The following OIT3 variants were observed in gnomAD, a reference collection of about 807,000 sequenced individuals.
OIT3 encodes oncoprotein induced transcript 3.
A neutral mutation model predicts 52.2 loss-of-function variants in OIT3; 41 were observed. That is an observed-to-expected ratio of 0.79 (90% CI 0.61 to 1.02). OIT3 has a LOEUF of 1.02. Among genes scored for constraint, OIT3 ranks in the 50% least tolerant of loss-of-function variants. The pLI, the probability that OIT3 is intolerant of heterozygous loss-of-function variation, is 0.00. For synonymous variants in OIT3, 244 were observed against 276.9 expected (o/e 0.88, Z 1.18); for missense variants, 634 against 715.5 (o/e 0.89, Z 1.30).
At chr10:72,925,550 G>A (rs1846162914) in intron 7 of OIT3, among the ~76,000 whole-genome samples, 1 of 152,216 alleles carries the variant, frequency 6.6e-6, no homozygotes, top group Non-Finnish European at 1.5e-5. Flanking sequence ...GGACAGAGAA[G>A]AAATAGTTGG....
In OIT3 at chr10:72,898,616, G is replaced by A. The variant is rs373063507; in HGVS notation, c.62-48G>A. The A allele has an allele frequency of 4.4e-5, 68 of 1,534,598 alleles. No homozygotes were observed. The African/African-American group carries it at 8.5e-4, about 19-fold the overall frequency. ...AAGTTGGACTTGGGCTGTTGGTGGT[G>A]TGATCCGAAACACTCCAGGTACTCT... On this transcript the variant is annotated intron_variant, in intron 1 of 8. Transcript: ENST00000334011.
At chr10:72,912,393 C>T (rs568430188) in intron 5 of OIT3, among the ~76,000 whole-genome samples, 1 of 151,312 alleles carries the variant, frequency 6.6e-6, no homozygotes, top group Non-Finnish European at 1.5e-5. Context: ...GCCTCAGCCT[C>T]CTGAGTAGCT....
At position 72,900,642 on chromosome 10, in the gene OIT3, G is replaced by A. The variant is rs556371431; in HGVS notation, c.544+158G>A. Among the ~76,000 whole-genome samples the A allele has an allele frequency of 5.3e-5, 8 of 152,208 alleles. No individual in the cohort carries two copies. In the East Asian group the frequency reaches 5.8e-4, roughly 11 times the overall value. ...TTTATGCCTGGACCGAAAGCCCCAC[G>A]CCAAATTTGTATCATGATTAGGGAC... On this transcript the variant is annotated intron_variant, in intron 3 of 8. Transcript: ENST00000334011.
At chr10:72,900,218 A>G (rs1196338628) in intron 2 of OIT3, among the ~76,000 whole-genome samples, 159 bp from the exon 3 acceptor site, 1 of 152,082 alleles carries the variant, frequency 6.6e-6, no homozygotes, top group Non-Finnish European at 1.5e-5. Context: ...GCTACTTGGG[A>G]GGCCAAGGTG....
At chr10:72,926,049 C>G (rs926686717) in intron 7 of OIT3, among the ~76,000 whole-genome samples, 10 of 152,218 alleles carry the variant, frequency 6.6e-5, no homozygotes, top group African/African-American at 2.4e-4. Context: ...TACACTCAAA[C>G]CCAAATTCAT....
chr10:72,906,368 G>A (rs908582107), intron 3 of OIT3, among the ~76,000 whole-genome samples: 1 of 152,162 alleles, frequency 6.6e-6, no homozygotes. Flanking sequence ...CTGAAGAGAA[G>A]GTAATTGGCA....
intron 4 of OIT3, 47 bp from the exon 5 acceptor site, chr10:72,911,670 G>T: frequency 1.3e-6 from 2 of 1,590,164 alleles, no homozygotes; most frequent in Non-Finnish European, 1.7e-6. Flanking sequence ...AATTCTTGGG[G>T]TAGAGGGTTA....
At chr10:72,895,972 A>G (rs1208711333) in intron 1 of OIT3, among the ~76,000 whole-genome samples, 1 of 152,212 alleles carries the variant, frequency 6.6e-6, no homozygotes, top group Non-Finnish European at 1.5e-5. Flanking sequence ...CTGCCTTAAA[A>G]GGGGGTAGAG....
At chr10:72,932,164 T>C (rs1028216334) in intron 8 of OIT3, among the ~76,000 whole-genome samples, 190 bp from the exon 9 acceptor site, 1 of 152,218 alleles carries the variant, frequency 6.6e-6, no homozygotes, top group Admixed American at 6.5e-5. Context: ...ATTAAATGTG[T>C]ACATTTGGGC....
chr10:72,921,910 G>A (rs911521048), intron 6 of OIT3, among the ~76,000 whole-genome samples: 4 of 152,032 alleles, frequency 2.6e-5, no homozygotes, highest in African/African-American at 9.7e-5. Context: ...GACCTCAAGT[G>A]ATCCGCCTGC....
chr10:72,922,951 C>A (rs577911528), intron 6 of OIT3, among the ~76,000 whole-genome samples: 6 of 152,274 alleles, frequency 3.9e-5, no homozygotes, highest in Non-Finnish European at 5.9e-5. Flanking sequence ...TCTCAGCTCA[C>A]TGCAACCTTT....
chr10:72,925,768 C>A lies in OIT3; in HGVS notation c.1367+1124C>A, dbSNP rs115856085. ...CCAGGACCATATGCGCACGACCATG[C>A]CCAGCTAATTCTTTTTTTTCTAGAG... On this transcript the variant is annotated intron_variant, in intron 7 of 8. Coordinates refer to ENST00000334011, the MANE Select transcript of OIT3 (RefSeq NM_152635.3). Among the ~76,000 whole-genome samples, 764 of 152,220 alleles carry A rather than the reference C, an allele frequency of 5.0e-3. 4 individuals are homozygous for A. Among genetic ancestry groups the A allele is most frequent in the African/African-American group, 0.018 (732 of 41,546 alleles).
intron 3 of OIT3, among the ~76,000 whole-genome samples, chr10:72,901,228 T>C (rs1054388750): frequency 2.6e-5 from 4 of 152,210 alleles, no homozygotes; most frequent in Non-Finnish European, 5.9e-5. Flanking sequence ...TGTAATTTGC[T>C]TTATATTTCT....
chr10:72,898,706 G>A lies in OIT3; in HGVS notation c.104G>A (p.Trp35Ter). 4.3e-6 allele frequency: 7 copies of A among 1,613,986 alleles called. No homozygotes were observed. The highest frequency in any genetic ancestry group is 5.9e-6 in the Non-Finnish European group (7 of 1,179,900). ...CSAYISLNEP[W>*]RNTDHQLDES... ...GCTTACATCAGCCTGAATGAGCCCTGGAGGAACACTGACCACCAGTTGGAT... is the reference window on the plus strand; with the variant it reads ...GCTTACATCAGCCTGAATGAGCCCTAGAGGAACACTGACCACCAGTTGGAT... Residue 35 changes from tryptophan to a stop codon, truncating the protein, a stop_gained, in exon 2 of 9, where the codon TGG (tryptophan) becomes TAG (stop). Transcript: ENST00000334011. LOFTEE classifies it high-confidence loss of function.
chr10:72,918,461 A>G, intron 6 of OIT3: 2 of 922,746 alleles, frequency 2.2e-6, no homozygotes, highest in Non-Finnish European at 3.5e-6. Context: ...CATCTTTGTC[A>G]GCCTTAATTC....
intron 6 of OIT3, chr10:72,918,032 A>G (rs1357453811): frequency 2.1e-5 from 17 of 819,464 alleles, no homozygotes; most frequent in East Asian, 2.4e-5. Flanking sequence ...CATCGTCATC[A>G]TCATCATCAT....
chr10:72,916,495 G>A (rs927921983), intron 6 of OIT3, among the ~76,000 whole-genome samples: 4 of 152,160 alleles, frequency 2.6e-5, no homozygotes, highest in Non-Finnish European at 4.4e-5. Context: ...CCCTGCAAAG[G>A]ACATGATCTC....
intron 7 of OIT3, among the ~76,000 whole-genome samples, chr10:72,928,459 C>T (rs1179010166): frequency 6.6e-6 from 1 of 152,126 alleles, no homozygotes; most frequent in African/African-American, 2.4e-5. Flanking sequence ...TGTAATAACC[C>T]CTTCTGCTTC....
chr10:72,914,738 A>G (rs748065985), intron 6 of OIT3, among the ~76,000 whole-genome samples: 4 of 152,228 alleles, frequency 2.6e-5, no homozygotes, highest in Non-Finnish European at 5.9e-5. Context: ...TGAAAGAAAC[A>G]TAACAGGCGG....
Sources: gnomAD v4.1 joint callset for allele counts (sites outside exome capture counted in the v4.1 genomes callset) on GRCh38, gnomAD v4.1.1 for gene constraint, MANE v1.5 for transcripts, NCBI Gene and HGNC (gene_info 2026-07-23, HGNC 2026-07-21) for gene names.